The following GMDS variants were observed in gnomAD, a reference collection of about 807,000 sequenced individuals.
GMDS encodes GDP-mannose 4,6 dehydratase.
GMDS carries 20 observed loss-of-function variants against 49.9 expected under a neutral mutation model. The ratio of observed to expected loss-of-function variants is 0.40; its 90% confidence interval spans 0.28 to 0.58. The LOEUF (loss-of-function observed/expected upper bound fraction) is 0.58. Among genes scored for constraint, GMDS ranks in the 20% least tolerant of loss-of-function variants. The pLI is 0.42. For missense variants in GMDS, 362 were observed against 481.4 expected (o/e 0.75, Z 2.32); for synonymous variants, 177 against 178.6 (o/e 0.99, Z 0.07).
At chr6:1,893,539 AT>A (rs1238548539) in intron 7 of GMDS, among the ~76,000 whole-genome samples, 1 of 151,934 alleles carries the variant, frequency 6.6e-6, no homozygotes, top group African/African-American at 2.4e-5. Context: ...CCTCTTTTTC[AT>A]TCTCAGTTGC....
chr6:2,015,916 T>G (rs1767862543), intron 4 of GMDS, among the ~76,000 whole-genome samples: 1 of 151,842 alleles, frequency 6.6e-6, no homozygotes, highest in Non-Finnish European at 1.5e-5. Flanking sequence ...CAGTTTATGG[T>G]TTTTTTCTTT....
chr6:1,751,515 G>A (rs1232404618), intron 7 of GMDS, among the ~76,000 whole-genome samples: 1 of 152,186 alleles, frequency 6.6e-6, no homozygotes, highest in Non-Finnish European at 1.5e-5. Context: ...GTTTGTTTGA[G>A]ATGGAATGTC....
At chr6:1,719,329 T>C (rs1766283467) in intron 9 of GMDS, among the ~76,000 whole-genome samples, 1 of 151,786 alleles carries the variant, frequency 6.6e-6, no homozygotes, top group South Asian at 2.1e-4. Context: ...GGAGAAGGCA[T>C]GCAGGGTGAG....
At chr6:1,658,162 C>T (rs1388684449) in intron 9 of GMDS, among the ~76,000 whole-genome samples, 1 of 152,232 alleles carries the variant, frequency 6.6e-6, no homozygotes, top group Non-Finnish European at 1.5e-5. Context: ...GGTGGTCCAT[C>T]GTGAGCTGCC....
chr6:1,953,317 T>A (rs1763457618), intron 6 of GMDS, among the ~76,000 whole-genome samples: 1 of 151,256 alleles, frequency 6.6e-6, no homozygotes, highest in South Asian at 2.1e-4. Context: ...AAATCACATT[T>A]AAAAAAAAAG....
At chr6:1,718,008 T>G (rs907058793) in intron 9 of GMDS, among the ~76,000 whole-genome samples, 3 of 152,232 alleles carry the variant, frequency 2.0e-5, no homozygotes, top group Non-Finnish European at 4.4e-5. Flanking sequence ...TCTGGCCCTA[T>G]GGCTCTCAGA....
intron 4 of GMDS, among the ~76,000 whole-genome samples, chr6:2,103,582 C>T (rs1774048581): frequency 6.6e-6 from 1 of 152,170 alleles, no homozygotes; most frequent in African/African-American, 2.4e-5. Context: ...TAGTAAGATA[C>T]TGAGGTGATG....
chr6:1,927,040 G>C (rs1762042176), intron 7 of GMDS, among the ~76,000 whole-genome samples: 2 of 105,682 alleles, frequency 1.9e-5, no homozygotes, highest in African/African-American at 6.2e-5. Flanking sequence ...TTTATTCAGA[G>C]GGTAGCGTGT....
At chr6:2,045,235 T>G (rs1324866126) in intron 4 of GMDS, among the ~76,000 whole-genome samples, 2 of 152,214 alleles carry the variant, frequency 1.3e-5, no homozygotes, top group East Asian at 3.9e-4. Flanking sequence ...AGATATTTCA[T>G]CTCTCATTTC....
intron 4 of GMDS, among the ~76,000 whole-genome samples, chr6:2,112,153 A>G (rs1774583627): frequency 6.6e-6 from 1 of 152,238 alleles, no homozygotes; most frequent in Non-Finnish European, 1.5e-5. Flanking sequence ...GTACTTGAGA[A>G]GTATTTATTA....
chr6:2,099,682 TTC>T (rs1196436574), intron 4 of GMDS, among the ~76,000 whole-genome samples: 3 of 152,078 alleles, frequency 2.0e-5, no homozygotes, highest in Non-Finnish European at 4.4e-5. Flanking sequence ...AATTTATACT[TTC>T]TGACAAAATA....
At chr6:1,901,056 C>T (rs1017363435) in intron 7 of GMDS, among the ~76,000 whole-genome samples, 13 of 152,204 alleles carry the variant, frequency 8.5e-5, no homozygotes, top group Admixed American at 1.3e-4. Context: ...CGTCAGAGAA[C>T]GGCGAAGCGC....
chr6:2,227,579 G>C (rs1239596488), intron 1 of GMDS, among the ~76,000 whole-genome samples: 2 of 152,206 alleles, frequency 1.3e-5, no homozygotes, highest in Non-Finnish European at 2.9e-5. Flanking sequence ...AGTTCCTAGA[G>C]AGTGACTGTG....
intron 1 of GMDS, among the ~76,000 whole-genome samples, chr6:2,224,820 T>C (rs1449850377): frequency 6.6e-6 from 1 of 152,202 alleles, no homozygotes; most frequent in Non-Finnish European, 1.5e-5. Context: ...AGTAAAACAT[T>C]AATGAATATT....
At chr6:2,000,713 GTGCAGTGGCACAA>G (rs1766762756) in intron 4 of GMDS, among the ~76,000 whole-genome samples, 1 of 152,156 alleles carries the variant, frequency 6.6e-6, no homozygotes, top group Non-Finnish European at 1.5e-5. Context: ...TCAGGTTGAA[GTGCAGTGGCACAA>G]TCATAGCTTA....
intron 2 of GMDS, among the ~76,000 whole-genome samples, chr6:2,122,597 G>A (rs1297846566): frequency 6.6e-6 from 1 of 152,166 alleles, no homozygotes; most frequent in Non-Finnish European, 1.5e-5. Context: ...TTTGACCTAA[G>A]CATAAAAACA....
At chr6:2,209,244 G>A (rs902888840) in intron 1 of GMDS, among the ~76,000 whole-genome samples, 6 of 152,200 alleles carry the variant, frequency 3.9e-5, no homozygotes, top group African/African-American at 1.4e-4. Flanking sequence ...AAAAATAAGA[G>A]CACTGGTTGC....
intron 9 of GMDS, among the ~76,000 whole-genome samples, chr6:1,627,608 G>A (rs989908915): frequency 2.6e-5 from 4 of 152,140 alleles, no homozygotes; most frequent in Non-Finnish European, 4.4e-5. Context: ...AGAAGAATGA[G>A]CTTATCTACT....
rs1279191122 is a variant in GMDS, at chr6:1,635,895, G to C, written c.988-11355C>G. ...CTGCGTCTGGGAGCTGCTCTTCTCT[G>C]CTCTCAGCTGGGGCTATCTTTAGGA... is the stretch of plus-strand genomic sequence containing the variant. On this transcript the variant is annotated intron_variant, in intron 9 of 10. Transcript: ENST00000380815. The surrounding 1 kb of genome is among the most constrained non-coding windows in gnomAD (Gnocchi z 4.7). 1.3e-5 allele frequency among the ~76,000 whole-genome samples: 2 copies of C among 152,202 alleles called. No individual in the cohort carries two copies. The highest frequency in any genetic ancestry group is 3.8e-4 in the East Asian group (2 of 5,200).
Sources: gnomAD v4.1 joint callset for allele counts (sites outside exome capture counted in the v4.1 genomes callset) on GRCh38, gnomAD v4.1.1 for gene constraint, Gnocchi (gnomAD v3.1) non-coding constraint, MANE v1.5 for transcripts, NCBI Gene and HGNC (gene_info 2026-07-23, HGNC 2026-07-21) for gene names.